The following ZBTB7A variants were observed in gnomAD, a reference collection of about 807,000 sequenced individuals.
The protein encoded by ZBTB7A is zinc finger and BTB domain-containing protein 7A.
Under a neutral mutation model 26.7 loss-of-function variants are expected in ZBTB7A, and 7 were observed. That is an observed-to-expected ratio of 0.26 (90% CI 0.15 to 0.49). ZBTB7A has a LOEUF of 0.49. ZBTB7A is among the 20% of genes least tolerant of loss of function. ZBTB7A has a pLI of 0.98. For synonymous variants in ZBTB7A, 452 were observed against 441.0 expected (o/e 1.02, Z -0.31); for missense variants, 617 against 919.5 (o/e 0.67, Z 4.25).
chr19:4,048,171 C>T lies in ZBTB7A; in HGVS notation c.1336G>A (p.Ala446Thr). The T allele has an allele frequency of 6.2e-7, 1 of 1,607,530 alleles. No homozygotes were observed. Among genetic ancestry groups the T allele is most frequent in the Non-Finnish European group, 8.5e-7 (1 of 1,178,612 alleles). Residue 446 changes from alanine to threonine, a missense_variant, in exon 3 of 3, where the codon GCC (alanine) becomes ACC (threonine). By Grantham distance (58) the Ala-to-Thr change is moderately conservative. Transcript: ENST00000322357. The surrounding 1 kb of genome is among the most constrained non-coding windows in gnomAD (Gnocchi z 6.7). The stretch of plus-strand genomic sequence containing the variant: ...TTCAGGTCGTAGTTGTGGGCAAAGG[C>T]GGCGCCGCACTGCTGGCACAGGTAC... ...KPYLCQQCGA[A>T]FAHNYDLKNH...
chr19:4,048,648 C>T lies in ZBTB7A; in HGVS notation c.1263-404G>A, dbSNP rs1388243525. 2.6e-5 allele frequency among the ~76,000 whole-genome samples: 4 copies of T among 151,408 alleles called. No homozygotes were observed. Among genetic ancestry groups the T allele is most frequent in the African/African-American group, 2.4e-5 (1 of 41,060 alleles). On this transcript the variant is annotated intron_variant, in intron 2 of 2. Transcript: ENST00000322357. This position sits in a 1 kb window ranked among gnomAD's most constrained non-coding sequence, Gnocchi z 6.7. ...GAGTTCGAGACCAGCCTGATCGACA[C>T]GGTGAAACCCTGTCTCTACTAAAAA...
chr19:4,046,291 C>A lies in ZBTB7A; in HGVS notation c.*1461G>T. 1.6e-5 allele frequency: 6 copies of A among 385,842 alleles called. No individual in the cohort carries two copies. The highest frequency in any genetic ancestry group is 2.7e-5 in the Non-Finnish European group (6 of 218,654). 23.9% of individuals were successfully genotyped at this position (385,842 alleles called of 1,614,324 possible). A position where few individuals can be genotyped will look rare whatever the true frequency, so the allele number is the denominator to read the frequency against. ...TCCCCTGCGATGGCTTCCTCCTGAA[C>A]CCCCCTTCTCGCTTTTTGGGGAACA... On this transcript the variant is annotated 3_prime_UTR_variant, in exon 3 of 3. Transcript: ENST00000322357.
chr19:4,046,013 G>C lies in ZBTB7A; in HGVS notation c.*1739C>G. The C allele has an allele frequency of 2.5e-6, 1 of 399,048 alleles. No homozygotes were observed. The highest frequency in any genetic ancestry group is 4.4e-6 in the Non-Finnish European group (1 of 226,122). 24.7% of individuals were successfully genotyped at this position (399,048 alleles called of 1,614,324 possible). A position where few individuals can be genotyped will look rare whatever the true frequency, so the allele number is the denominator to read the frequency against. The stretch of plus-strand genomic sequence containing the variant: ...AGCTCCTTGGTGGCCATGCGGGAGG[G>C]ACAGGCGTGTTGGGGGATTGGGGGG... On this transcript the variant is annotated 3_prime_UTR_variant, in exon 3 of 3. Coordinates refer to ENST00000322357, the MANE Select transcript of ZBTB7A (RefSeq NM_015898.4).
Position 4,053,955 on chromosome 19 carries a change from G to T in ZBTB7A, c.1262+16C>A. ...CAGAGAGCAGGACGGCGCCTCCCCC[G>T]CGGCGGGCAGCTCACCTGGTGAAGC... On this transcript the variant is annotated intron_variant, in intron 2 of 2. Transcript: ENST00000322357. 1.3e-6 allele frequency: 2 copies of T among 1,579,014 alleles called. No homozygotes were observed. Among genetic ancestry groups the T allele is most frequent in the South Asian group, 1.1e-5 (1 of 87,228 alleles).
chr19:4,050,090 C>A (rs2040483686), intron 2 of ZBTB7A, among the ~76,000 whole-genome samples: 1 of 151,890 alleles, frequency 6.6e-6, no homozygotes, highest in African/African-American at 2.4e-5. Flanking sequence ...ACACCTGGCT[C>A]ATTTTTGTAT....
chr19:4,047,917 C>T lies in ZBTB7A; in HGVS notation c.1590G>A (p.Arg530=). The part of the protein sequence containing the change: ...APAQPSSPDA[R]RNGQEKHFKD... ...TAAAGTGCTTCTCCTGGCCGTTGCGCCGGGCGTCGGGGGAGCTGGGCTGGG... is the reference window on the plus strand; with the variant it reads ...TAAAGTGCTTCTCCTGGCCGTTGCGTCGGGCGTCGGGGGAGCTGGGCTGGG... Residue 530 remains arginine, a synonymous_variant, in exon 3 of 3, where the codon CGG becomes CGA. Coordinates refer to ENST00000322357, the MANE Select transcript of ZBTB7A (RefSeq NM_015898.4). The T allele has an allele frequency of 6.5e-7, 1 of 1,529,942 alleles. No homozygotes were observed. The highest frequency in any genetic ancestry group is 8.8e-7 in the Non-Finnish European group (1 of 1,139,252). 94.8% of individuals were successfully genotyped at this position (1,529,942 alleles called of 1,614,324 possible). A position where few individuals can be genotyped will look rare whatever the true frequency, so the allele number is the denominator to read the frequency against.
chr19:4,055,619 G>A (rs2040569581), intron 1 of ZBTB7A: 1 of 270,642 alleles, frequency 3.7e-6, no homozygotes, highest in African/African-American at 2.3e-5. Flanking sequence ...TCAGGGGATG[G>A]AGACCATCCT....
chr19:4,059,953 C>T (rs1013312620), intron 1 of ZBTB7A, among the ~76,000 whole-genome samples: 3 of 152,094 alleles, frequency 2.0e-5, no homozygotes, highest in South Asian at 2.1e-4. Flanking sequence ...CCGGAGGTGG[C>T]GGTTTCGTTC....
chr19:4,065,241 C>A (rs1568239574), intron 1 of ZBTB7A, among the ~76,000 whole-genome samples: 3 of 149,844 alleles, frequency 2.0e-5, no homozygotes, highest in Non-Finnish European at 4.4e-5. Flanking sequence ...GCTCTCTCCG[C>A]CCCCTCCCGC....
chr19:4,055,505 C>T lies in ZBTB7A; in HGVS notation c.-15-258G>A, dbSNP rs2040568536. ...TCTTTAATACAGAGACAGGCTATCA[C>T]CATGTTGGCCAGGCTGGTCTCAAAC... On this transcript the variant is annotated intron_variant, in intron 1 of 2. Coordinates refer to ENST00000322357, the MANE Select transcript of ZBTB7A (RefSeq NM_015898.4). 4.1e-6 allele frequency: 4 copies of T among 984,288 alleles called. 1 individual carries two copies. The South Asian group carries it at 1.4e-4, about 35-fold the overall frequency. 61.0% of individuals were successfully genotyped at this position (984,288 alleles called of 1,614,324 possible).
chr19:4,050,985 C>T (rs1432145569), intron 2 of ZBTB7A, among the ~76,000 whole-genome samples: 1 of 149,560 alleles, frequency 6.7e-6, no homozygotes, highest in Non-Finnish European at 1.5e-5. Flanking sequence ...ATAATCCCAG[C>T]TACTTGGGAA....
chr19:4,051,617 G>A (rs2040504928), intron 2 of ZBTB7A, among the ~76,000 whole-genome samples: 1 of 152,204 alleles, frequency 6.6e-6, no homozygotes, highest in Non-Finnish European at 1.5e-5. Context: ...ACAGAACCCT[G>A]GCCTAACCAG....
chr19:4,066,428 G>C (rs1385657419), intron 1 of ZBTB7A, among the ~76,000 whole-genome samples: 5 of 150,596 alleles, frequency 3.3e-5, no homozygotes, highest in Admixed American at 2.6e-4. Context: ...ACCCGGGTTG[G>C]GGGGGGCTGG....
chr19:4,055,254 C>A lies in ZBTB7A; in HGVS notation c.-15-7G>T. 2.7e-6 allele frequency: 4 copies of A among 1,466,082 alleles called. No individual in the cohort carries two copies. Among genetic ancestry groups the A allele is most frequent in the Non-Finnish European group, 2.7e-6 (3 of 1,109,840 alleles). The allele number at this position is 1,466,082 out of a possible 1,614,324, so 90.8% of individuals were successfully genotyped here. ...CCATCTTCCGCGCCGAGACCTGCAG[C>A]AGTGGGGAAGGAGAGGGCGCTCGTG... On this transcript the variant is annotated splice_polypyrimidine_tract_variant and splice_region_variant and intron_variant, in intron 1 of 2. Coordinates refer to ENST00000322357, the MANE Select transcript of ZBTB7A (RefSeq NM_015898.4).
Position 4,055,053 on chromosome 19 carries a change from C to T in ZBTB7A, c.180G>A (p.Lys60=). The T allele has an allele frequency of 6.2e-7, 1 of 1,610,970 alleles. No individual in the cohort carries two copies. Among genetic ancestry groups the T allele is most frequent in the Non-Finnish European group, 8.5e-7 (1 of 1,179,240 alleles). The change falls in exon 2 of 3, where the codon AAG becomes AAA. Residue 60 remains lysine, a synonymous_variant. Transcript: ENST00000322357. ...CCACGGCGCCCGACGTGAACAGCTTCTTGAAGTACTGGCTGCAGGCGGCCA... is the reference window on the plus strand; with the variant it reads ...CCACGGCGCCCGACGTGAACAGCTTTTTGAAGTACTGGCTGCAGGCGGCCA... The part of the protein sequence containing the change: ...SVLAACSQYF[K]KLFTSGAVVD...
At position 4,047,824 on chromosome 19, in the gene ZBTB7A, G is replaced by A. The variant is rs757306677; in HGVS notation, c.1683C>T (p.Ala561=). The A allele has an allele frequency of 3.1e-6, 5 of 1,598,180 alleles. No homozygotes were observed. The highest frequency in any genetic ancestry group is 1.4e-5 in the African/African-American group (1 of 73,810). ...DGLGRLNVAG[A]GGGGDSGGGP... The stretch of plus-strand genomic sequence containing the variant: ...CACCTCCGCTGTCACCTCCTCCACC[G>A]GCGCCCGCTACATTCAACCGGCCCA... The change falls in exon 3 of 3, where the codon GCC becomes GCT. Residue 561 remains alanine, a synonymous_variant. Transcript: ENST00000322357.
intron 1 of ZBTB7A, among the ~76,000 whole-genome samples, chr19:4,059,067 C>G (rs924869996): frequency 1.3e-5 from 2 of 152,192 alleles, no homozygotes; most frequent in African/African-American, 4.8e-5. Flanking sequence ...GTGTCCACCC[C>G]CTGCCACCAT....
intron 1 of ZBTB7A, chr19:4,061,783 C>T (rs350842): frequency 0.89 from 135,491 of 152,248 alleles, 61,714 homozygotes; most frequent in Non-Finnish European, 0.98. Flanking sequence ...AACTCATGGG[C>T]GGGACTGAGG....
chr19:4,046,177 G>A lies in ZBTB7A; in HGVS notation c.*1575C>T, dbSNP rs933053914. On this transcript the variant is annotated 3_prime_UTR_variant, in exon 3 of 3. Coordinates refer to ENST00000322357, the MANE Select transcript of ZBTB7A (RefSeq NM_015898.4). Reference sequence around the variant, plus strand: ...AAAAAAGGGGACAGAAAGGGGGAGCGGGGGGAACACAGCACGAACACCCCA... The same window carrying A: ...AAAAAAGGGGACAGAAAGGGGGAGCAGGGGGAACACAGCACGAACACCCCA... The A allele has an allele frequency of 1.3e-5, 5 of 396,904 alleles. No individual in the cohort carries two copies. Among genetic ancestry groups the A allele is most frequent in the African/African-American group, 4.1e-5 (2 of 48,524 alleles). 24.6% of individuals were successfully genotyped at this position (396,904 alleles called of 1,614,324 possible). A position where few individuals can be genotyped will look rare whatever the true frequency, so the allele number is the denominator to read the frequency against.
Sources: gnomAD v4.1 joint callset for allele counts (sites outside exome capture counted in the v4.1 genomes callset) on GRCh38, gnomAD v4.1.1 for gene constraint, Gnocchi (gnomAD v3.1) non-coding constraint, MANE v1.5 for transcripts, NCBI Gene and HGNC (gene_info 2026-07-23, HGNC 2026-07-21) for gene names.